Variants in MGA observed in about 807,000 individuals in gnomAD.
MGA encodes MAX dimerization protein MGA.
MGA carries 40 observed loss-of-function variants against 261.1 expected under a neutral mutation model. That is an observed-to-expected ratio of 0.15 (90% CI 0.12 to 0.20). The LOEUF (loss-of-function observed/expected upper bound fraction) is 0.20, where lower values mean the gene tolerates loss of function less well. Ranked by LOEUF, MGA falls within the 10% of genes least tolerant of loss-of-function variation. The pLI, the probability that MGA is intolerant of heterozygous loss-of-function variation, is 1.00. For synonymous variants in MGA, 1,302 were observed against 1,290.6 expected (o/e 1.01, Z -0.19); for missense variants, 3,397 against 3,630.5 (o/e 0.94, Z 1.65).
chr15:41,762,460 G>GTTTTTTTTT (rs1491528643), intron 22 of MGA, 98 bp downstream of exon 22: 30 of 190,530 alleles, frequency 1.6e-4, no homozygotes, highest in African/African-American at 2.5e-4. Context: ...AGTTTTGTGT[G>GTTTTTTTTT]GTTTTTTTTT....
At chr15:41,744,507 A>G (rs1039248799) in intron 15 of MGA, among the ~76,000 whole-genome samples, 3 of 152,118 alleles carry the variant, frequency 2.0e-5, no homozygotes, top group Non-Finnish European at 4.4e-5. Context: ...GTGAATCACA[A>G]TATTAAATGT....
upstream of MGA, among the ~76,000 whole-genome samples, chr15:41,656,361 T>TCCCTCTCC: frequency 7.4e-6 from 1 of 134,782 alleles, no homozygotes; most frequent in South Asian, 2.7e-4. Flanking sequence ...TCTCTCTCTC[T>TCCCTCTCC]CTCTCTCTCT....
intron 5 of MGA, among the ~76,000 whole-genome samples, chr15:41,706,236 CAAA>C (rs1239541105): frequency 2.0e-5 from 1 of 49,200 alleles, no homozygotes; most frequent in Non-Finnish European, 4.2e-5. Context: ...GACTCCATCT[CAAA>C]AAAAAAAAAA....
At chr15:41,692,191 C>T (rs1595740633) in intron 2 of MGA, among the ~76,000 whole-genome samples, 2 of 152,142 alleles carry the variant, frequency 1.3e-5, no homozygotes, top group Admixed American at 6.6e-5. Flanking sequence ...GCTCACCTCT[C>T]GTTTCAGCTG....
chr15:41,655,567 T>C (rs2057148478), upstream of MGA, among the ~76,000 whole-genome samples: 1 of 152,196 alleles, frequency 6.6e-6, no homozygotes, highest in African/African-American at 2.4e-5. Context: ...TGTTGTATTG[T>C]CATTTATTTG....
chr15:41,713,619 A>C lies in MGA; in HGVS notation c.3430+123A>C, dbSNP rs78456118. The stretch of plus-strand genomic sequence containing the variant: ...TCCAATAAGAGCTTTGAGACTTCTT[A>C]TTATCCTTACATGCTCTTTCTGACT... On this transcript the variant is annotated intron_variant, in intron 9 of 23. Transcript: ENST00000219905. 1,273 of 1,189,334 alleles carry C rather than the reference A, an allele frequency of 1.1e-3. 6 individuals carry two copies. In the African/African-American group the frequency reaches 0.018, roughly 16 times the overall value. The allele number at this position is 1,189,334 out of a possible 1,614,324, so 73.7% of individuals were successfully genotyped here. A position where few individuals can be genotyped will look rare whatever the true frequency, so the allele number is the denominator to read the frequency against.
chr15:41,638,083 C>G (rs1465963675), intron 1 of MGA, among the ~76,000 whole-genome samples: 1 of 140,414 alleles, frequency 7.1e-6, no homozygotes, highest in Non-Finnish European at 1.5e-5. Context: ...TGCTCTGTCG[C>G]CCAGGCTGGA....
Position 41,706,326 on chromosome 15 carries a change from C to CTT in MGA, c.2189-1388_2189-1387dup, listed in dbSNP as rs879582074. The stretch of plus-strand genomic sequence containing the variant: ...TTGCAAACTAAAACAAAATAGCTGT[C>CTT]TTTTTTTTTTTTTTTAAGAGATGTG... On this transcript the variant is annotated intron_variant, in intron 5 of 23. Transcript: ENST00000219905. Among the ~76,000 whole-genome samples the CTT allele has an allele frequency of 3.8e-3, 522 of 138,740 alleles. 9 individuals are homozygous for CTT. Among genetic ancestry groups the CTT allele is most frequent in the African/African-American group, 0.012 (475 of 38,034 alleles). The allele number at this position is 138,740 out of a possible 152,430, so 91.0% of individuals were successfully genotyped here. A position where few individuals can be genotyped will look rare whatever the true frequency, so the allele number is the denominator to read the frequency against.
chr15:41,721,164 A>G (rs2060918582), intron 9 of MGA, among the ~76,000 whole-genome samples: 1 of 152,156 alleles, frequency 6.6e-6, no homozygotes, highest in South Asian at 2.1e-4. Flanking sequence ...CCATTTGACA[A>G]CTTTAAAATA....
At chr15:41,662,322 C>T (rs1463244236) in intron 1 of MGA, among the ~76,000 whole-genome samples, 1 of 152,082 alleles carries the variant, frequency 6.6e-6, no homozygotes, top group Non-Finnish European at 1.5e-5. Context: ...CTTTCTGGCC[C>T]TGAGTTGTAG....
chr15:41,701,859 A>G (rs1177541467), intron 5 of MGA, among the ~76,000 whole-genome samples: 4 of 152,228 alleles, frequency 2.6e-5, no homozygotes, highest in African/African-American at 9.6e-5. Flanking sequence ...GGTTTTTAAA[A>G]TTTATTCAAC....
intron 9 of MGA, among the ~76,000 whole-genome samples, chr15:41,722,207 G>A (rs2060982620): frequency 7.3e-6 from 1 of 136,834 alleles, no homozygotes; most frequent in Non-Finnish European, 1.5e-5. Context: ...TCGGCTCACT[G>A]CAAACTCCGC....
At chr15:41,637,282 C>T (rs1338719953) in intron 1 of MGA, among the ~76,000 whole-genome samples, 1 of 152,138 alleles carries the variant, frequency 6.6e-6, no homozygotes, top group Non-Finnish European at 1.5e-5. Context: ...TGGTTCGTAT[C>T]ATATTGCCTT....
chr15:41,691,475 G>A, intron 2 of MGA: 1 of 280,902 alleles, frequency 3.6e-6, no homozygotes, highest in Non-Finnish European at 7.7e-6. Flanking sequence ...ATTTACCTGT[G>A]AATAGAGATA....
Position 41,766,347 on chromosome 15 carries a change from G to A in MGA, c.8265G>A (p.Gln2755=). 1 of 1,613,882 alleles carries A rather than the reference G, an allele frequency of 6.2e-7. No homozygotes were observed. The highest frequency in any genetic ancestry group is 1.6e-4 in the Middle Eastern group (1 of 6,062). The change falls in exon 24 of 24, where the codon CAG becomes CAA. Residue 2755 remains glutamine (Q), a synonymous_variant. Transcript: ENST00000219905. ...TTTCTGGTGATATGAGAGGGATTCAGTATAAATGGAAAGAGAGTGAATCAA... is the reference window on the plus strand; with the variant it reads ...TTTCTGGTGATATGAGAGGGATTCAATATAAATGGAAAGAGAGTGAATCAA...
At position 41,766,966 on chromosome 15, in the gene MGA, T is replaced by C; in HGVS notation, c.8884T>C (p.Ser2962Pro). The C allele has an allele frequency of 6.2e-7, 1 of 1,613,968 alleles. No individual in the cohort carries two copies. The highest frequency in any genetic ancestry group is 8.5e-7 in the Non-Finnish European group (1 of 1,179,882). Residue 2962 changes from serine to proline, a missense_variant, in exon 24 of 24, where the codon TCC (serine) becomes CCC (proline). Around this residue, in one of 9 missense-constraint regions of MGA, gnomAD observed 647 missense variants for 642.4 expected, o/e 1.01. Coordinates refer to ENST00000219905, the MANE Select transcript of MGA (RefSeq NM_001164273.2). ...CCTCCCTGCAGAGCCCGAAAGTGTG[T>C]CCTCACCCCCCACCCTACACATGAA...
chr15:41,695,855 C>T (rs1042336512), intron 2 of MGA, among the ~76,000 whole-genome samples: 9 of 152,070 alleles, frequency 5.9e-5, no homozygotes, highest in African/African-American at 9.7e-5. Context: ...TGGCCCTTTC[C>T]GGTTTGTGTT....
intron 1 of MGA, among the ~76,000 whole-genome samples, chr15:41,635,872 A>G (rs2056693150): frequency 6.6e-6 from 1 of 152,146 alleles, no homozygotes; most frequent in Admixed American, 6.5e-5. Context: ...GGCACAATGC[A>G]TTTACTCTTG....
intron 19 of MGA, 186 bp from the exon 20 acceptor site, chr15:41,760,137 T>C: frequency 1.7e-6 from 1 of 592,190 alleles, no homozygotes; most frequent in South Asian, 2.0e-5. Flanking sequence ...GAAATTACAC[T>C]GTTGGCATTG....
Sources: gnomAD v4.1 joint callset for allele counts (sites outside exome capture counted in the v4.1 genomes callset) on GRCh38, gnomAD v4.1.1 for gene constraint, gnomAD v4.1.1 regional missense constraint, MANE v1.5 for transcripts, NCBI Gene and HGNC (gene_info 2026-07-23, HGNC 2026-07-21) for gene names.